AGAP1: variants seen among roughly 807,000 people sequenced by gnomAD.
AGAP1 encodes the protein ArfGAP with GTPase domain, ankyrin repeat and PH domain 1, also known as arf-GAP with GTPase, ANK repeat and PH domain-containing protein 1.
AGAP1 carries 29 observed loss-of-function variants against 105.3 expected under a neutral mutation model. That is an observed-to-expected ratio of 0.28 (90% CI 0.21 to 0.38). The LOEUF (loss-of-function observed/expected upper bound fraction) is 0.38, where lower values mean the gene tolerates loss of function less well. Among genes scored for constraint, AGAP1 ranks in the 10% least tolerant of loss-of-function variants. AGAP1 has a pLI of 1.00. For missense variants in AGAP1, 998 were observed against 1,165.1 expected (o/e 0.86, Z 2.09); for synonymous variants, 509 against 485.9 (o/e 1.05, Z -0.63).
chr2:235,607,192 C>CA (rs1010096865), intron 1 of AGAP1, among the ~76,000 whole-genome samples: 1 of 152,048 alleles, frequency 6.6e-6, no homozygotes, highest in African/African-American at 2.4e-5. Context: ...CAGAGCCCCC[C>CA]CTTCCCTGCC....
chr2:235,946,277 T>G (rs972572357), intron 12 of AGAP1, among the ~76,000 whole-genome samples: 2 of 136,642 alleles, frequency 1.5e-5, no homozygotes, highest in African/African-American at 5.9e-5. Flanking sequence ...ATAATAGGCT[T>G]TTTTTCCTTT....
chr2:236,011,058 A>G (rs911025297), intron 13 of AGAP1, among the ~76,000 whole-genome samples: 2 of 152,222 alleles, frequency 1.3e-5, no homozygotes, highest in African/African-American at 4.8e-5. Context: ...AAAAAAATGA[A>G]AAAAGAAAAT....
intron 9 of AGAP1, among the ~76,000 whole-genome samples, chr2:235,815,395 T>TAATG (rs1958396729): frequency 6.6e-6 from 1 of 152,238 alleles, no homozygotes; most frequent in Non-Finnish European, 1.5e-5. Flanking sequence ...CTTTTTCTTA[T>TAATG]AATGATGCCA....
At chr2:235,948,078 A>G (rs569963979) in intron 12 of AGAP1, among the ~76,000 whole-genome samples, 1 of 150,670 alleles carries the variant, frequency 6.6e-6, no homozygotes, top group Non-Finnish European at 1.5e-5. Flanking sequence ...AGGGCAGGGG[A>G]CTCATGGGAA....
chr2:235,832,739 C>T (rs1287000085), intron 9 of AGAP1, among the ~76,000 whole-genome samples: 3 of 152,332 alleles, frequency 2.0e-5, no homozygotes, highest in East Asian at 1.9e-4. Flanking sequence ...GAAGTGACCA[C>T]GTGCAAACCA....
At chr2:235,909,402 G>A (rs2051465965) in intron 11 of AGAP1, among the ~76,000 whole-genome samples, 1 of 152,134 alleles carries the variant, frequency 6.6e-6, no homozygotes, top group African/African-American at 2.4e-5. Flanking sequence ...TCTTTTAAAG[G>A]AGATTTTTTT....
intron 16 of AGAP1, among the ~76,000 whole-genome samples, chr2:236,111,980 A>G (rs1201995943): frequency 6.6e-6 from 1 of 152,158 alleles, no homozygotes; most frequent in Non-Finnish European, 1.5e-5. Context: ...TGCATTCTCC[A>G]GTGGGCACTG....
At chr2:235,605,311 T>C (rs1468603056) in intron 1 of AGAP1, among the ~76,000 whole-genome samples, 2 of 152,250 alleles carry the variant, frequency 1.3e-5, no homozygotes, top group Admixed American at 6.5e-5. Context: ...TCATTTATAT[T>C]GTTGTTCTTA....
chr2:235,754,426 T>TA lies in AGAP1; in HGVS notation c.673+3954dup, dbSNP rs71400783. On this transcript the variant is annotated intron_variant, in intron 6 of 17. Transcript: ENST00000304032. The surrounding 1 kb of genome is among the most constrained non-coding windows in gnomAD (Gnocchi z 4.6). ...TTCTACATAATGTTTGGCTTGTAAATAAAAAAAAAAAAAAAATCCAGCTGC... is the reference window on the plus strand; with the variant it reads ...TTCTACATAATGTTTGGCTTGTAAATAAAAAAAAAAAAAAAAATCCAGCTGC... Among the ~76,000 whole-genome samples, 700 of 136,640 alleles carry TA rather than the reference T, an allele frequency of 5.1e-3. 8 individuals carry two copies. The highest frequency in any genetic ancestry group is 0.013 in the African/African-American group (465 of 36,606). 89.6% of individuals were successfully genotyped at this position (136,640 alleles called of 152,430 possible). A position where few individuals can be genotyped will look rare whatever the true frequency, so the allele number is the denominator to read the frequency against.
chr2:235,993,261 ACTGCCTTGGAG>A lies in AGAP1; in HGVS notation c.1645+24640_1645+24650del, dbSNP rs1346359562. On this transcript the variant is annotated intron_variant, in intron 13 of 17. Coordinates refer to ENST00000304032, the MANE Select transcript of AGAP1 (RefSeq NM_001037131.3). The surrounding 1 kb of genome is among the most constrained non-coding windows in gnomAD (Gnocchi z 5.0). ...AGTCTATACAATACTATTGATATTT[ACTGCCTTGGAG>A]CAGCCTTGGCAGCCTTGTATTCTGA... Among the ~76,000 whole-genome samples the A allele has an allele frequency of 1.3e-4, 20 of 152,290 alleles. No individual in the cohort carries two copies. Among genetic ancestry groups the A allele is most frequent in the Non-Finnish European group, 2.5e-4 (17 of 68,034 alleles).
In AGAP1 at chr2:235,789,926, CT is replaced by C. The variant is rs1956875175; in HGVS notation, c.674-7831del. ...TATGACCTGTTTAGTTGCAGGATGT[CT>C]TACCTTCCTTGTTAGTATTTGTTCT... On this transcript the variant is annotated intron_variant, in intron 6 of 17. Coordinates refer to ENST00000304032, the MANE Select transcript of AGAP1 (RefSeq NM_001037131.3). This position sits in a 1 kb window ranked among gnomAD's most constrained non-coding sequence, Gnocchi z 4.2. Among the ~76,000 whole-genome samples, 2 of 152,190 alleles carry C rather than the reference CT, an allele frequency of 1.3e-5. No homozygotes were observed. The highest frequency in any genetic ancestry group is 1.3e-4 in the Admixed American group (2 of 15,292).
In AGAP1 at chr2:235,559,188, A is replaced by G. The variant is rs540864984; in HGVS notation, c.163+64339A>G. 6.6e-6 allele frequency among the ~76,000 whole-genome samples: 1 copy of G among 152,294 alleles called. No homozygotes were observed. Among genetic ancestry groups the G allele is most frequent in the Non-Finnish European group, 1.5e-5 (1 of 68,020 alleles). On this transcript the variant is annotated intron_variant, in intron 1 of 17. Coordinates refer to ENST00000304032, the MANE Select transcript of AGAP1 (RefSeq NM_001037131.3). This position sits in a 1 kb window ranked among gnomAD's most constrained non-coding sequence, Gnocchi z 5.7. ...GTGATCCTCGCACCTCAGCTTCCCA[A>G]AGTGCTGGGATTATAGGCCTGAGCT...
chr2:235,579,787 A>G (rs1354901040), intron 1 of AGAP1, among the ~76,000 whole-genome samples: 3 of 152,110 alleles, frequency 2.0e-5, no homozygotes, highest in Admixed American at 2.0e-4. Context: ...AAAAAAAAAA[A>G]AAAGTGAACA....
rs1337125519 is a variant in AGAP1, at chr2:235,882,860, T to C, written c.1051-485T>C. Among the ~76,000 whole-genome samples the C allele has an allele frequency of 1.3e-5, 2 of 152,156 alleles. No individual in the cohort carries two copies. Among genetic ancestry groups the C allele is most frequent in the Admixed American group, 1.3e-4 (2 of 15,270 alleles). On this transcript the variant is annotated intron_variant, in intron 9 of 17. Coordinates refer to ENST00000304032, the MANE Select transcript of AGAP1 (RefSeq NM_001037131.3). The surrounding 1 kb of genome is among the most constrained non-coding windows in gnomAD (Gnocchi z 4.6). ...CTTTCACTCGCTTTGTCACCCAGGC[T>C]GGAGTACGGTGGTACAATCATAGCT...
chr2:235,774,342 G>A (rs1276688408), intron 6 of AGAP1: 1 of 470,510 alleles, frequency 2.1e-6, no homozygotes, highest in East Asian at 7.0e-5. Flanking sequence ...AGGTGCTGCT[G>A]CAGAGGGAGT....
rs1044226920 is a variant in AGAP1, at chr2:235,769,374, G to C, written c.673+18886G>C. On this transcript the variant is annotated intron_variant, in intron 6 of 17. Transcript: ENST00000304032. This position sits in a 1 kb window ranked among gnomAD's most constrained non-coding sequence, Gnocchi z 4.4. Reference sequence around the variant, plus strand: ...TCTTTTTCCTCCAGTGGCAAGGTTTGCGTGGTCTTCACTCTTTTGCAGAAA... The same window carrying C: ...TCTTTTTCCTCCAGTGGCAAGGTTTCCGTGGTCTTCACTCTTTTGCAGAAA... 6.6e-6 allele frequency among the ~76,000 whole-genome samples: 1 copy of C among 152,186 alleles called. No individual in the cohort carries two copies. Among genetic ancestry groups the C allele is most frequent in the African/African-American group, 2.4e-5 (1 of 41,430 alleles).
At chr2:235,675,004 T>C (rs1233001169) in intron 1 of AGAP1, among the ~76,000 whole-genome samples, 3 of 151,682 alleles carry the variant, frequency 2.0e-5, no homozygotes, top group Non-Finnish European at 4.4e-5. Context: ...TTATTATTTT[T>C]ATTTTTTAAA....
chr2:235,748,008 A>T (rs1450782264), intron 5 of AGAP1, among the ~76,000 whole-genome samples: 8 of 152,268 alleles, frequency 5.3e-5, no homozygotes, highest in Admixed American at 5.2e-4. Context: ...ACGAATGTTC[A>T]TAATTGGGCA....
In AGAP1 at chr2:235,962,468, A is replaced by G. The variant is rs1480319312; in HGVS notation, c.1484-5994A>G. On this transcript the variant is annotated intron_variant, in intron 12 of 17. Transcript: ENST00000304032. The surrounding 1 kb of genome is among the most constrained non-coding windows in gnomAD (Gnocchi z 5.3). ...GGGATGTGAGCGGGTTGGACGTCAG[A>G]TGGCATGGAACTCAGGGCATAGAGG... Among the ~76,000 whole-genome samples the G allele has an allele frequency of 2.0e-5, 3 of 152,004 alleles. No individual in the cohort carries two copies. The highest frequency in any genetic ancestry group is 4.8e-5 in the African/African-American group (2 of 41,400).
Sources: gnomAD v4.1 joint callset for allele counts (sites outside exome capture counted in the v4.1 genomes callset) on GRCh38, gnomAD v4.1.1 for gene constraint, Gnocchi (gnomAD v3.1) non-coding constraint, MANE v1.5 for transcripts, NCBI Gene and HGNC (gene_info 2026-07-23, HGNC 2026-07-21) for gene names.